SATB1: variants seen among roughly 807,000 people sequenced by gnomAD.
SATB1 encodes SATB homeobox 1.
SATB1 carries 11 observed loss-of-function variants against 86.9 expected under a neutral mutation model. The ratio of observed to expected loss-of-function variants is 0.13; its 90% CI spans 0.08 to 0.21. The LOEUF is 0.21. Ranked by LOEUF, SATB1 falls within the 10% of genes least tolerant of loss-of-function variation. The pLI is 1.00. For synonymous variants in SATB1, 357 were observed against 357.2 expected (o/e 1.00, Z 0.01); for missense variants, 551 against 937.6 (o/e 0.59, Z 5.39).
At chr3:18,367,721 G>A (rs1203161498) in intron 9 of SATB1, among the ~76,000 whole-genome samples, 1 of 152,162 alleles carries the variant, frequency 6.6e-6, no homozygotes, top group Non-Finnish European at 1.5e-5. Flanking sequence ...CCCTAACGAA[G>A]CAACTTTTTT....
chr3:18,440,687 A>G (rs923659635), upstream of SATB1, among the ~76,000 whole-genome samples: 1 of 152,202 alleles, frequency 6.6e-6, no homozygotes, highest in African/African-American at 2.4e-5. Flanking sequence ...TCATTTTACC[A>G]GAAAATATAC....
At chr3:18,434,090 T>A (rs1321591403) in intron 2 of SATB1, among the ~76,000 whole-genome samples, 1 of 152,130 alleles carries the variant, frequency 6.6e-6, no homozygotes, top group Non-Finnish European at 1.5e-5. Context: ...AAGGTCAATA[T>A]CCACTATTCT....
chr3:18,355,272 C>T (rs1406475493), intron 9 of SATB1, among the ~76,000 whole-genome samples: 1 of 151,914 alleles, frequency 6.6e-6, no homozygotes, highest in African/African-American at 2.4e-5. Flanking sequence ...TTGGCTCATT[C>T]CCAGTTTACA....
Position 18,378,340 on chromosome 3 carries a change from G to T in SATB1, c.1420-15C>A, listed in dbSNP as rs1237942516. The T allele has an allele frequency of 1.9e-6, 3 of 1,608,826 alleles. No homozygotes were observed. Among genetic ancestry groups the T allele is most frequent in the South Asian group, 2.2e-5 (2 of 89,506 alleles). On this transcript the variant is annotated splice_polypyrimidine_tract_variant and intron_variant, in intron 8 of 10. Transcript: ENST00000338745. ...GCTGTTTTCACCTACAAAACATTTT[G>T]AACATGGCTGTCATTTTTCATTGGC...
intron 9 of SATB1, among the ~76,000 whole-genome samples, chr3:18,376,740 T>A (rs1299836924): frequency 2.0e-5 from 3 of 152,188 alleles, no homozygotes; most frequent in Non-Finnish European, 4.4e-5. Flanking sequence ...ATTACAGTAA[T>A]TTCCGATATA....
In SATB1 at chr3:18,351,272, C is replaced by G. The variant is rs532577553; in HGVS notation, c.1779+720G>C. The G allele has an allele frequency of 4.5e-5, 67 of 1,496,770 alleles. No individual in the cohort carries two copies. The South Asian group carries it at 7.7e-4, about 17-fold the overall frequency. 92.7% of individuals were successfully genotyped at this position (1,496,770 alleles called of 1,614,324 possible). A position where few individuals can be genotyped will look rare whatever the true frequency, so the allele number is the denominator to read the frequency against. ...GGAGCAGGTCTTTAGGTCACCCCCT[C>G]TCTGTGTCCCTTGGTGGCATAGGTA... is the stretch of plus-strand genomic sequence containing the variant. On this transcript the variant is annotated intron_variant, in intron 10 of 10. Coordinates refer to ENST00000338745, the MANE Select transcript of SATB1 (RefSeq NM_002971.6).
chr3:18,396,463 T>C (rs1001267189), intron 6 of SATB1, among the ~76,000 whole-genome samples: 8 of 152,186 alleles, frequency 5.3e-5, no homozygotes, highest in Non-Finnish European at 7.3e-5. Flanking sequence ...TTTGTGAACA[T>C]TAACAAACTC....
chr3:18,364,732 C>T (rs961146784), intron 9 of SATB1, among the ~76,000 whole-genome samples: 16 of 149,810 alleles, frequency 1.1e-4, no homozygotes, highest in Admixed American at 3.3e-4. Context: ...TATATATATA[C>T]ACACACACAC....
chr3:18,391,152 G>T (rs746739284), intron 7 of SATB1, among the ~76,000 whole-genome samples: 11 of 152,042 alleles, frequency 7.2e-5, no homozygotes, highest in Non-Finnish European at 1.5e-4. Flanking sequence ...TCTTGGGAGG[G>T]TAATGTGTTA....
In SATB1 at chr3:18,349,164, T is replaced by C; in HGVS notation, c.*6A>G. 6.2e-7 allele frequency: 1 copy of C among 1,611,956 alleles called. No homozygotes were observed. The highest frequency in any genetic ancestry group is 1.7e-4 in the Middle Eastern group (1 of 6,052). ...GGCACTGTTGAACGAAACAAATACT[T>C]TTATCTCAGTCTTTCAAATCAGTAT... On this transcript the variant is annotated 3_prime_UTR_variant, in exon 11 of 11. Transcript: ENST00000338745. This position sits in a 1 kb window ranked among gnomAD's most constrained non-coding sequence, Gnocchi z 5.5.
intron 8 of SATB1, among the ~76,000 whole-genome samples, chr3:18,379,739 G>T (rs1321104721): frequency 6.6e-6 from 1 of 152,152 alleles, no homozygotes; most frequent in Non-Finnish European, 1.5e-5. Context: ...TGAGAAAGCT[G>T]GTAGATGCTT....
At chr3:18,440,079 G>A (rs1331284776), upstream of SATB1, among the ~76,000 whole-genome samples, 1 of 152,118 alleles carries the variant, frequency 6.6e-6, no homozygotes, top group Non-Finnish European at 1.5e-5. Context: ...CTTGGAAGAG[G>A]AGACACTTTA....
intron 9 of SATB1, among the ~76,000 whole-genome samples, chr3:18,369,796 G>A (rs902091785): frequency 2.0e-5 from 3 of 152,196 alleles, no homozygotes; most frequent in Non-Finnish European, 2.9e-5. Flanking sequence ...ACTACATCTG[G>A]TTGTGCTGGT....
In SATB1 at chr3:18,351,348, G is replaced by A. The variant is rs866226229; in HGVS notation, c.1779+644C>T. 6.4e-7 allele frequency: 1 copy of A among 1,554,128 alleles called. No homozygotes were observed. The highest frequency in any genetic ancestry group is 2.4e-5 in the East Asian group (1 of 42,494). ...GCACCGAGCCATGGTGCAGGGGTCGGCAGGCCTGGTAAGAAAACGCCTCTA... is the reference window on the plus strand; with the variant it reads ...GCACCGAGCCATGGTGCAGGGGTCGACAGGCCTGGTAAGAAAACGCCTCTA... On this transcript the variant is annotated intron_variant, in intron 10 of 10. Coordinates refer to ENST00000338745, the MANE Select transcript of SATB1 (RefSeq NM_002971.6).
intron 4 of SATB1, among the ~76,000 whole-genome samples, chr3:18,415,723 CT>C (rs774823193): frequency 7.2e-5 from 11 of 151,860 alleles, no homozygotes; most frequent in Non-Finnish European, 1.5e-4. Flanking sequence ...TGTAAAATGC[CT>C]TCTTGTGATG....
Position 18,349,879 on chromosome 3 carries a change from G to A in SATB1, c.1780-197C>T. On this transcript the variant is annotated intron_variant, in intron 10 of 10. Transcript: ENST00000338745. This position sits in a 1 kb window ranked among gnomAD's most constrained non-coding sequence, Gnocchi z 5.5. ...AATCAAAATGATATGACTAGGAAGGGATGAATTAAGACAGCTTTGGGGGGC... is the reference window on the plus strand; with the variant it reads ...AATCAAAATGATATGACTAGGAAGGAATGAATTAAGACAGCTTTGGGGGGC... 2 of 943,158 alleles carry A rather than the reference G, an allele frequency of 2.1e-6. No individual in the cohort carries two copies. The highest frequency in any genetic ancestry group is 1.5e-6 in the Non-Finnish European group (1 of 659,398). 58.4% of individuals were successfully genotyped at this position (943,158 alleles called of 1,614,324 possible).
chr3:18,438,595 C>G (rs531341032), exon 1 of SATB1: 1 of 152,372 alleles, frequency 6.6e-6, no homozygotes, highest in Non-Finnish European at 1.5e-5. Flanking sequence ...CTCTCTGAAT[C>G]TAGCCCTACA....
Position 18,349,593 on chromosome 3 carries a change from C to T in SATB1, c.1869G>A (p.Arg623=). ...CCACCGTGGGTTGCCGTGGGGGGAG[C>T]CGAGGGCCTGTCTGTGGCTGCTGCT... ...QPQQQPQTGP[R]LPPRQPTVAS... is the part of the protein sequence containing the mutation. Residue 623 remains arginine (R), a synonymous_variant, in exon 11 of 11, where the codon CGG becomes CGA. Transcript: ENST00000338745. The surrounding 1 kb of genome is among the most constrained non-coding windows in gnomAD (Gnocchi z 5.5). 1 of 1,613,604 alleles carries T rather than the reference C, an allele frequency of 6.2e-7. No homozygotes were observed.
intron 8 of SATB1, among the ~76,000 whole-genome samples, chr3:18,383,343 G>GT (rs1182792598): frequency 2.0e-5 from 3 of 152,142 alleles, no homozygotes; most frequent in African/African-American, 7.2e-5. Context: ...CCTTGTTATG[G>GT]TATGTCCCAA....
Sources: gnomAD v4.1 joint callset for allele counts (sites outside exome capture counted in the v4.1 genomes callset) on GRCh38, gnomAD v4.1.1 for gene constraint, Gnocchi (gnomAD v3.1) non-coding constraint, MANE v1.5 for transcripts, NCBI Gene and HGNC (gene_info 2026-07-23, HGNC 2026-07-21) for gene names.